PRKCZ: variants seen among roughly 807,000 people sequenced by gnomAD.
The protein encoded by PRKCZ is protein kinase C zeta type.
In PRKCZ, 33 loss-of-function variants were observed where a neutral mutation model predicts 79.5. The ratio of observed to expected loss-of-function variants is 0.41; its 90% CI spans 0.31 to 0.55. The LOEUF is 0.55. Ranked by LOEUF, PRKCZ falls within the 20% of genes least tolerant of loss-of-function variation. The probability of loss-of-function intolerance (pLI) is 0.19; values close to 1 mark genes in which losing one functional copy is unlikely to be tolerated. For synonymous variants in PRKCZ, 342 were observed against 320.9 expected (o/e 1.07, Z -0.70); for missense variants, 578 against 813.5 (o/e 0.71, Z 3.52).
chr1:2,177,109 C>T lies in PRKCZ; in HGVS notation c.1575+1796C>T, dbSNP rs1685645273. On this transcript the variant is annotated intron_variant, in intron 16 of 17. Coordinates refer to ENST00000378567, the MANE Select transcript of PRKCZ (RefSeq NM_002744.6). The surrounding 1 kb of genome is among the most constrained non-coding windows in gnomAD (Gnocchi z 6.4). ...GAGGTGGCGTCCCTTTTCTCTGGCT[C>T]AGGCACCCCTGGCCTAGTGGGGTTA... Among the ~76,000 whole-genome samples, 1 of 152,170 alleles carries T rather than the reference C, an allele frequency of 6.6e-6. No homozygotes were observed.
At chr1:2,153,380 C>T (rs527513654) in intron 9 of PRKCZ, among the ~76,000 whole-genome samples, 12 of 152,344 alleles carry the variant, frequency 7.9e-5, no homozygotes, top group Admixed American at 5.2e-4. Flanking sequence ...ACTGGCTGCT[C>T]GTCGAGCCCC....
chr1:2,081,831 C>A (rs575219383), intron 4 of PRKCZ, among the ~76,000 whole-genome samples: 6 of 152,258 alleles, frequency 3.9e-5, no homozygotes, highest in Middle Eastern at 3.4e-3. Context: ...GCCCCGCCCC[C>A]CAGCATCCCC....
intron 15 of PRKCZ, 72 bp from the exon 16 acceptor site, chr1:2,175,152 C>T: frequency 7.5e-7 from 1 of 1,326,388 alleles, no homozygotes; most frequent in Non-Finnish European, 1.1e-6. Flanking sequence ...CTGGGAGTGG[C>T]CACCAAGGAG....
Position 2,109,992 on chromosome 1 carries a change from G to A in PRKCZ, c.335-25270G>A, listed in dbSNP as rs544894858. Among the ~76,000 whole-genome samples the A allele has an allele frequency of 1.2e-4, 18 of 152,352 alleles. 1 individual carries two copies. Among genetic ancestry groups the A allele is most frequent in the African/African-American group, 3.4e-4 (14 of 41,590 alleles). ...CCAGTGTCTCCCAGTCTGGGCAAGC[G>A]GAGGAGCCGGCCAGCATGGGCCATT... On this transcript the variant is annotated intron_variant, in intron 4 of 17. Transcript: ENST00000378567.
intron 11 of PRKCZ, among the ~76,000 whole-genome samples, chr1:2,170,477 T>G (rs1684214400): frequency 9.0e-6 from 1 of 111,520 alleles, no homozygotes; most frequent in African/African-American, 3.7e-5. Context: ...CACAACGCTG[T>G]TTTTAAAAAC....
chr1:2,134,371 G>T (rs979666957), intron 4 of PRKCZ, among the ~76,000 whole-genome samples: 1 of 152,212 alleles, frequency 6.6e-6, no homozygotes, highest in Non-Finnish European at 1.5e-5. Flanking sequence ...TTTGGTTCAT[G>T]AAAGTCGCTT....
At chr1:2,179,130 C>A (rs1386013451) in intron 16 of PRKCZ, among the ~76,000 whole-genome samples, 1 of 152,250 alleles carries the variant, frequency 6.6e-6, no homozygotes, top group Non-Finnish European at 1.5e-5. Context: ...CCTGCCTTGC[C>A]CCTGCACTGG....
At chr1:2,181,925 C>T in intron 16 of PRKCZ, 1 of 454,872 alleles carries the variant, frequency 2.2e-6, no homozygotes. Context: ...GTGAGCCGTT[C>T]TGCCTAAGGG....
chr1:2,059,631 G>A (rs1470618950), intron 4 of PRKCZ, 40 bp downstream of exon 4: 5 of 1,611,012 alleles, frequency 3.1e-6, no homozygotes, highest in Middle Eastern at 3.3e-4. Flanking sequence ...CGCATGTTAC[G>A]GGGTTGAACT....
Position 2,132,989 on chromosome 1 carries a change from C to T in PRKCZ, c.335-2273C>T, listed in dbSNP as rs543537717. On this transcript the variant is annotated intron_variant, in intron 4 of 17. Transcript: ENST00000378567. ...CCCCACGTGAATTTAGGGGACACTTCAGTTCGTCCCGGCGGGGACTGGGGA... is the reference window on the plus strand; with the variant it reads ...CCCCACGTGAATTTAGGGGACACTTTAGTTCGTCCCGGCGGGGACTGGGGA... Among the ~76,000 whole-genome samples, 248 of 152,346 alleles carry T rather than the reference C, an allele frequency of 1.6e-3. 1 individual carries two copies. Among genetic ancestry groups the T allele is most frequent in the African/African-American group, 5.6e-3 (234 of 41,588 alleles).
chr1:2,102,793 C>T (rs954650329), intron 4 of PRKCZ, among the ~76,000 whole-genome samples: 1 of 152,286 alleles, frequency 6.6e-6, no homozygotes, highest in Non-Finnish European at 1.5e-5. Context: ...GGTTCAGAAC[C>T]AGGAGACACA....
rs1450295037 is a variant in PRKCZ, at chr1:2,184,614, A to G, written c.1607A>G (p.Gln536Arg). Residue 536 changes from glutamine to arginine, a missense_variant, in exon 17 of 18, where the codon CAG (glutamine) becomes CGG (arginine). Gln to Arg is a conservative substitution (Grantham distance 43, BLOSUM62 1). Transcript: ENST00000378567. ...LEKKQALPPF[Q>R]PQITDDYGLD... The stretch of plus-strand genomic sequence containing the variant: ...AAGAAGCAGGCGCTCCCTCCATTCC[A>G]GCCACAGATCACAGACGACTACGGT... 1.2e-6 allele frequency: 2 copies of G among 1,614,072 alleles called. No individual in the cohort carries two copies. The highest frequency in any genetic ancestry group is 1.7e-6 in the Non-Finnish European group (2 of 1,180,022).
rs921340938 is a variant in PRKCZ, at chr1:2,094,301, T to C, written c.334+34710T>C. On this transcript the variant is annotated intron_variant, in intron 4 of 17. Transcript: ENST00000378567. The surrounding 1 kb of genome is among the most constrained non-coding windows in gnomAD (Gnocchi z 7.3). The stretch of plus-strand genomic sequence containing the variant: ...CCCGGCCTGAACTCTTCTCCTACCA[T>C]GATGGTGCCTGGGATGCTGTGTGGT... Among the ~76,000 whole-genome samples the C allele has an allele frequency of 6.6e-6, 1 of 152,084 alleles. No individual in the cohort carries two copies. The highest frequency in any genetic ancestry group is 1.5e-5 in the Non-Finnish European group (1 of 67,994).
At chr1:2,161,457 T>C (rs1682289708) in intron 10 of PRKCZ, among the ~76,000 whole-genome samples, 1 of 152,200 alleles carries the variant, frequency 6.6e-6, no homozygotes, top group African/African-American at 2.4e-5. Context: ...CCCAGAGCCC[T>C]GGGCAGTGAG....
chr1:2,119,583 T>C (rs1423695887), intron 4 of PRKCZ, among the ~76,000 whole-genome samples: 3 of 152,168 alleles, frequency 2.0e-5, no homozygotes, highest in Non-Finnish European at 4.4e-5. Context: ...GTTATTATCA[T>C]GCCTGTAAAT....
intron 1 of PRKCZ, among the ~76,000 whole-genome samples, chr1:2,051,828 G>C (rs1659691626): frequency 6.6e-6 from 1 of 152,202 alleles, no homozygotes; most frequent in African/African-American, 2.4e-5. Context: ...CCCCGGGTTT[G>C]TTGAGGAGGC....
At chr1:2,138,375 G>A (rs144046819) in intron 5 of PRKCZ, among the ~76,000 whole-genome samples, 12 of 152,280 alleles carry the variant, frequency 7.9e-5, no homozygotes, top group Non-Finnish European at 1.0e-4. Context: ...GAGAGCCAGC[G>A]AGGTTCTGAA....
At chr1:2,078,602 TA>T (rs200600211) in intron 4 of PRKCZ, among the ~76,000 whole-genome samples, 3,131 of 152,320 alleles carry the variant, frequency 0.021, 40 homozygotes, top group Non-Finnish European at 0.032. Flanking sequence ...TGAGGAGCTT[TA>T]CACCCAGTTA....
intron 4 of PRKCZ, among the ~76,000 whole-genome samples, chr1:2,076,293 A>G (rs1467242368): frequency 2.0e-5 from 3 of 152,206 alleles, no homozygotes; most frequent in East Asian, 1.9e-4. Flanking sequence ...CCTCCCTCAC[A>G]TGGCAGGGGG....
Sources: allele counts gnomAD v4.1 joint callset (sites outside exome capture counted in the v4.1 genomes callset), GRCh38; gene constraint gnomAD v4.1.1; non-coding constraint Gnocchi (gnomAD v3.1); transcripts MANE v1.5; gene names NCBI Gene and HGNC (gene_info 2026-07-23, HGNC 2026-07-21).